Variants in RPRD2 observed in about 807,000 individuals in gnomAD.
The protein encoded by RPRD2 is regulation of nuclear pre-mRNA domain-containing protein 2.
RPRD2 carries 12 observed loss-of-function variants against 104.4 expected under a neutral mutation model. That is an observed-to-expected ratio of 0.11 (90% CI 0.07 to 0.19). The LOEUF (loss-of-function observed/expected upper bound fraction) is 0.19, where lower values mean the gene tolerates loss of function less well. Among genes scored for constraint, RPRD2 ranks in the 10% least tolerant of loss-of-function variants. RPRD2 has a pLI of 1.00. For missense variants in RPRD2, 1,543 were observed against 1,790.1 expected (o/e 0.86, Z 2.49); for synonymous variants, 714 against 684.9 (o/e 1.04, Z -0.66).
At chr1:150,443,086 C>A (rs1482659295) in intron 4 of RPRD2, 145 bp from the exon 5 acceptor site, 2 of 595,244 alleles carry the variant, frequency 3.4e-6, no homozygotes, top group East Asian at 5.9e-5. Flanking sequence ...ATTTCCTAGT[C>A]CATTATTTAT....
chr1:150,376,931 C>G (rs1239371387), intron 1 of RPRD2, among the ~76,000 whole-genome samples: 1 of 151,706 alleles, frequency 6.6e-6, no homozygotes, highest in African/African-American at 2.4e-5. Flanking sequence ...TGAGTGCTGG[C>G]CGGGCGCTGT....
intron 3 of RPRD2, 175 bp downstream of exon 3, chr1:150,441,198 G>T: frequency 4.2e-6 from 2 of 476,328 alleles, no homozygotes; most frequent in Non-Finnish European, 3.7e-6. Context: ...TAAAATGTAA[G>T]TAGAATTGGT....
chr1:150,387,317 A>G (rs1285602697), intron 1 of RPRD2, among the ~76,000 whole-genome samples: 1 of 152,176 alleles, frequency 6.6e-6, no homozygotes, highest in African/African-American at 2.4e-5. Flanking sequence ...AATAGGGCCA[A>G]TGAAAGAACC....
At chr1:150,393,946 A>C (rs1560164654) in intron 1 of RPRD2, among the ~76,000 whole-genome samples, 1 of 152,088 alleles carries the variant, frequency 6.6e-6, no homozygotes, top group South Asian at 2.1e-4. Context: ...ATAAAAAAAA[A>C]CCCCAACTAT....
chr1:150,380,758 G>A (rs1229045955), intron 1 of RPRD2, among the ~76,000 whole-genome samples: 3 of 151,998 alleles, frequency 2.0e-5, no homozygotes, highest in Non-Finnish European at 4.4e-5. Context: ...GGGTTCAAGC[G>A]ATTCTCCTGC....
chr1:150,430,263 A>G (rs1246489377), intron 2 of RPRD2, among the ~76,000 whole-genome samples: 2 of 152,216 alleles, frequency 1.3e-5, no homozygotes, highest in Non-Finnish European at 2.9e-5. Flanking sequence ...AACAACAGGT[A>G]AGATATTTGG....
At position 150,435,534 on chromosome 1, in the gene RPRD2, T is replaced by C. The variant is rs188054493; in HGVS notation, c.336-5389T>C. Among the ~76,000 whole-genome samples the C allele has an allele frequency of 2.4e-3, 365 of 152,328 alleles. 1 individual carries two copies. The highest frequency in any genetic ancestry group is 1.5e-3 in the Non-Finnish European group (101 of 68,032). ...ATGATAAGAAAGCAAAATAGCTTTA[T>C]TGCTAATATGGAGAAAGTTAGTGGC... is the stretch of plus-strand genomic sequence containing the variant. On this transcript the variant is annotated intron_variant, in intron 2 of 10. Transcript: ENST00000369068.
chr1:150,466,377 CAAA>C (rs34200262), intron 10 of RPRD2, among the ~76,000 whole-genome samples: 36,484 of 104,642 alleles, frequency 0.35, 5,961 homozygotes, highest in Non-Finnish European at 0.42. Context: ...GACTCTGTCT[CAAA>C]AAAAAAAAAA....
intron 1 of RPRD2, among the ~76,000 whole-genome samples, chr1:150,373,854 T>G (rs914892039): frequency 6.6e-6 from 1 of 151,968 alleles, no homozygotes; most frequent in East Asian, 1.9e-4. Context: ...AGAGTGTAGA[T>G]AGGGAAGTAA....
rs192118072 is a variant in RPRD2, at chr1:150,475,895, G to A, written c.*2561G>A. 1 of 93,042 alleles carries A rather than the reference G, an allele frequency of 1.1e-5. No individual in the cohort carries two copies. Among genetic ancestry groups the A allele is most frequent in the East Asian group, 1.9e-4 (1 of 5,164 alleles). The allele number at this position is 93,042 out of a possible 1,614,324, so 5.8% of individuals were successfully genotyped here. A position where few individuals can be genotyped will look rare whatever the true frequency, so the allele number is the denominator to read the frequency against. ...TATTTTTTAAAGAAAGCATAACATA[G>A]TGTGTCTTAGCAAGGACATGATTCA... is the stretch of plus-strand genomic sequence containing the variant. On this transcript the variant is annotated 3_prime_UTR_variant, in exon 11 of 11. Transcript: ENST00000369068.
intron 1 of RPRD2, among the ~76,000 whole-genome samples, chr1:150,369,599 G>T (rs1660132179): frequency 7.0e-6 from 1 of 142,824 alleles, no homozygotes; most frequent in Non-Finnish European, 1.5e-5. Flanking sequence ...TGGGACTACA[G>T]GCGCCCGTCA....
intron 7 of RPRD2, among the ~76,000 whole-genome samples, chr1:150,455,225 C>A (rs1174574003): frequency 6.6e-6 from 1 of 152,130 alleles, no homozygotes; most frequent in Admixed American, 6.6e-5. Flanking sequence ...AAGTCCAGGC[C>A]GGGCGCGATG....
intron 1 of RPRD2, among the ~76,000 whole-genome samples, chr1:150,387,486 T>C (rs1661650711): frequency 6.6e-6 from 1 of 151,556 alleles, no homozygotes; most frequent in African/African-American, 2.4e-5. Flanking sequence ...CTGTACTGTT[T>C]CTAGTCATGT....
Position 150,460,328 on chromosome 1 carries a change from C to CCAGT in RPRD2, c.1411+12_1411+15dup. 1 of 1,599,868 alleles carries CCAGT rather than the reference C, an allele frequency of 6.3e-7. No individual in the cohort carries two copies. Among genetic ancestry groups the CCAGT allele is most frequent in the Non-Finnish European group, 8.5e-7 (1 of 1,171,116 alleles). On this transcript the variant is annotated intron_variant, in intron 9 of 10. Coordinates refer to ENST00000369068, the MANE Select transcript of RPRD2 (RefSeq NM_015203.5). ...TCATGAAAAATACTGGTAAGTAAGC[C>CCAGT]CAGTAAGGAGGATAAAAAGTTAATT...
chr1:150,370,572 C>CTTTTT (rs11288735), intron 1 of RPRD2, among the ~76,000 whole-genome samples: 22 of 109,714 alleles, frequency 2.0e-4, no homozygotes, highest in Non-Finnish European at 3.0e-4. Context: ...TCCATTTTGT[C>CTTTTT]TTTTTTTTTT....
chr1:150,381,675 T>G (rs1301398471), intron 1 of RPRD2, among the ~76,000 whole-genome samples: 4 of 151,918 alleles, frequency 2.6e-5, no homozygotes, highest in African/African-American at 9.7e-5. Context: ...TGGCTAATTT[T>G]TTGTATTTTT....
chr1:150,436,209 T>C (rs1028931207), intron 2 of RPRD2, among the ~76,000 whole-genome samples: 2 of 152,070 alleles, frequency 1.3e-5, no homozygotes, highest in Non-Finnish European at 2.9e-5. Context: ...AGAGCTCTGA[T>C]GTATAAGGAG....
rs181202884 is a variant in RPRD2, at chr1:150,459,868, G to C, written c.1154-192G>C. On this transcript the variant is annotated intron_variant, in intron 8 of 10. Coordinates refer to ENST00000369068, the MANE Select transcript of RPRD2 (RefSeq NM_015203.5). ...CCCAGCTGGAAATTGCTTTTAAGCA[G>C]ATATTAAAGGTGGGAATTATCATAA... is the stretch of plus-strand genomic sequence containing the variant. Among the ~76,000 whole-genome samples, 5 of 152,250 alleles carry C rather than the reference G, an allele frequency of 3.3e-5. No individual in the cohort carries two copies. The East Asian group carries it at 9.6e-4, about 29-fold the overall frequency.
chr1:150,406,703 A>G (rs1249418893), intron 1 of RPRD2, among the ~76,000 whole-genome samples: 2 of 152,016 alleles, frequency 1.3e-5, no homozygotes, highest in Non-Finnish European at 2.9e-5. Flanking sequence ...CCTGCCAAGT[A>G]CTTACAAGTA....
Sources: allele counts gnomAD v4.1 joint callset (sites outside exome capture counted in the v4.1 genomes callset), GRCh38; gene constraint gnomAD v4.1.1; transcripts MANE v1.5; gene names NCBI Gene and HGNC (gene_info 2026-07-23, HGNC 2026-07-21).